CTCF: variants seen among roughly 807,000 people sequenced by gnomAD.
The protein encoded by CTCF is transcriptional repressor CTCF.
CTCF carries 7 observed loss-of-function variants against 72.3 expected under a neutral mutation model. The observed-to-expected ratio is 0.10, with a 90% confidence interval of 0.06 to 0.18. The LOEUF (loss-of-function observed/expected upper bound fraction) is 0.18, where lower values mean the gene tolerates loss of function less well. Ranked by LOEUF, CTCF falls within the 10% of genes least tolerant of loss-of-function variation. The pLI is 1.00. For missense variants in CTCF, 516 were observed against 949.1 expected, an observed-to-expected ratio of 0.54 and a Z score of 6.00; for synonymous variants, 374 against 315.8, an observed-to-expected ratio of 1.18 and a Z score of -1.95.
intron 2 of CTCF, among the ~76,000 whole-genome samples, chr16:67,583,750 AT>A (rs2051622558): frequency 6.6e-6 from 1 of 152,050 alleles, no homozygotes; most frequent in Non-Finnish European, 1.5e-5. Context: ...AAGCAAGAGT[AT>A]ACAGTGATTA....
chr16:67,620,422 ACTC>A (rs2052185930), intron 5 of CTCF, among the ~76,000 whole-genome samples: 1 of 151,676 alleles, frequency 6.6e-6, no homozygotes, highest in African/African-American at 2.4e-5. Flanking sequence ...CTGGTCTTGA[ACTC>A]CTGACCTCAG....
At chr16:67,627,128 T>G (rs1368958597) in intron 8 of CTCF, 3 of 153,700 alleles carry the variant, frequency 2.0e-5, no homozygotes. Flanking sequence ...GTGCAGTGGC[T>G]CACACCTGTA....
chr16:67,629,661 C>T lies in CTCF; in HGVS notation c.1837+128C>T. On this transcript the variant is annotated intron_variant, in intron 10 of 11. Transcript: ENST00000264010. ...CTCTTCCTTTCTTTAAACTTCTCAT[C>T]TCCTAACGTCTATTTACAACAGCAG... 4 of 757,104 alleles carry T rather than the reference C, an allele frequency of 5.3e-6. No individual in the cohort carries two copies. The Middle Eastern group carries it at 8.2e-4, about 154-fold the overall frequency. The allele number at this position is 757,104 out of a possible 1,614,324, so 46.9% of individuals were successfully genotyped here. A position where few individuals can be genotyped will look rare whatever the true frequency, so the allele number is the denominator to read the frequency against.
chr16:67,622,850 T>TG (rs1179752469), intron 7 of CTCF, among the ~76,000 whole-genome samples: 1 of 144,490 alleles, frequency 6.9e-6, no homozygotes, highest in Non-Finnish European at 1.5e-5. Context: ...TTAGTAGAGA[T>TG]GGGGTTTCAC....
intron 5 of CTCF, 127 bp downstream of exon 5, chr16:67,617,005 C>T: frequency 1.1e-6 from 1 of 897,822 alleles, no homozygotes; most frequent in Non-Finnish European, 1.8e-6. Context: ...TATTAACACT[C>T]CCACACAACA....
intron 2 of CTCF, among the ~76,000 whole-genome samples, chr16:67,582,526 C>T (rs1394425593): frequency 6.6e-6 from 1 of 151,896 alleles, no homozygotes; most frequent in Non-Finnish European, 1.5e-5. Context: ...AACTCGGTCT[C>T]TACTAAAAAT....
chr16:67,572,451 T>C (rs1194615874), intron 2 of CTCF: 1 of 152,324 alleles, frequency 6.6e-6, no homozygotes, highest in Admixed American at 6.5e-5. Flanking sequence ...CTTAGATCCC[T>C]GTTTCTCAAA....
chr16:67,620,392 G>A (rs981043522), intron 5 of CTCF, among the ~76,000 whole-genome samples: 1 of 151,958 alleles, frequency 6.6e-6, no homozygotes, highest in Non-Finnish European at 1.5e-5. Context: ...GTAGATACGG[G>A]GTCTCACCAT....
rs149992147 is a variant in CTCF, at chr16:67,632,284, C to T, written c.1837+2751C>T. On this transcript the variant is annotated intron_variant, in intron 10 of 11. Transcript: ENST00000264010. ...TGCCTTGTTCACTTCTGTGGTTCAT[C>T]TCCAGGAAGACCAGCTTCTTTCCCT... is the stretch of plus-strand genomic sequence containing the variant. Among the ~76,000 whole-genome samples the T allele has an allele frequency of 1.8e-4, 28 of 152,258 alleles. 1 individual carries two copies. The East Asian group carries it at 5.2e-3, about 28-fold the overall frequency.
At chr16:67,600,520 A>T (rs2142788512) in intron 2 of CTCF, among the ~76,000 whole-genome samples, 1 of 152,232 alleles carries the variant, frequency 6.6e-6, no homozygotes, top group East Asian at 1.9e-4. Flanking sequence ...GTGAGCCACC[A>T]TGCCTAGCCT....
At chr16:67,635,326 T>C (rs1039969258) in intron 10 of CTCF, among the ~76,000 whole-genome samples, 1 of 150,606 alleles carries the variant, frequency 6.6e-6, no homozygotes, top group African/African-American at 2.4e-5. Flanking sequence ...GGCCACCTTT[T>C]GTTTTTTTGT....
Position 67,620,692 on chromosome 16 carries a change from T to C in CTCF, c.1087-5T>C. ...AGTTAAAGTTCGGTTGTTTTCGTAT[T>C]TCAGGTCAGCAAATTAAAACGTCAC... is the stretch of plus-strand genomic sequence containing the variant. On this transcript the variant is annotated splice_polypyrimidine_tract_variant and splice_region_variant and intron_variant, in intron 5 of 11. Transcript: ENST00000264010. The C allele has an allele frequency of 6.4e-7, 1 of 1,557,326 alleles. No homozygotes were observed. Among genetic ancestry groups the C allele is most frequent in the Non-Finnish European group, 8.8e-7 (1 of 1,138,314 alleles).
At chr16:67,628,887 C>T (rs1213136860) in intron 9 of CTCF, among the ~76,000 whole-genome samples, 1 of 152,030 alleles carries the variant, frequency 6.6e-6, no homozygotes, top group Non-Finnish European at 1.5e-5. Flanking sequence ...GGTGAAACAC[C>T]GTCTCTACTA....
chr16:67,576,140 T>TAAAAAA (rs561098313), intron 2 of CTCF, among the ~76,000 whole-genome samples: 1 of 91,900 alleles, frequency 1.1e-5, no homozygotes, highest in Non-Finnish European at 2.2e-5. Context: ...GACCCTGTCT[T>TAAAAAA]AAAAAAAAAA....
chr16:67,616,537 G>A, intron 4 of CTCF: 4 of 535,236 alleles, frequency 7.5e-6, no homozygotes, highest in Non-Finnish European at 1.0e-5. Flanking sequence ...AACTAATTTG[G>A]TATGTGTTAT....
chr16:67,596,495 T>A (rs2051817000), intron 2 of CTCF, among the ~76,000 whole-genome samples: 1 of 152,188 alleles, frequency 6.6e-6, no homozygotes, highest in Non-Finnish European at 1.5e-5. Context: ...TCATAGATGT[T>A]GCAGATATTT....
intron 2 of CTCF, among the ~76,000 whole-genome samples, chr16:67,571,999 G>A (rs1379602967): frequency 6.6e-6 from 1 of 151,980 alleles, no homozygotes; most frequent in Non-Finnish European, 1.5e-5. Context: ...ATTTTTTTCA[G>A]ACCCTAGAAA....
chr16:67,570,471 CG>C, intron 1 of CTCF, among the ~76,000 whole-genome samples: 1 of 150,342 alleles, frequency 6.7e-6, no homozygotes, highest in Non-Finnish European at 1.5e-5. Flanking sequence ...TTTTTTGAGA[CG>C]GAGTCTCGCT....
chr16:67,622,296 C>G (rs1404082626), intron 7 of CTCF, among the ~76,000 whole-genome samples: 2 of 151,364 alleles, frequency 1.3e-5, no homozygotes, highest in Non-Finnish European at 2.9e-5. Context: ...GTGGAGCTTG[C>G]AGTGAGCAGA....
Sources: allele counts gnomAD v4.1 joint callset (sites outside exome capture counted in the v4.1 genomes callset), GRCh38; gene constraint gnomAD v4.1.1; transcripts MANE v1.5; gene names NCBI Gene and HGNC (gene_info 2026-07-23, HGNC 2026-07-21).